Variants in DLG2 observed in about 807,000 individuals in gnomAD.
DLG2 encodes discs large MAGUK scaffold protein 2.
Under a neutral mutation model 132.5 loss-of-function variants are expected in DLG2, and 45 were observed. That is an observed-to-expected ratio of 0.34 (90% CI 0.27 to 0.44). The LOEUF is 0.44. Among genes scored for constraint, DLG2 ranks in the 20% least tolerant of loss-of-function variants. DLG2 has a pLI of 1.00. For missense variants in DLG2, 1,045 were observed against 1,196.9 expected, an observed-to-expected ratio of 0.87 and a Z score of 1.87; for synonymous variants, 424 against 419.6, an observed-to-expected ratio of 1.01 and a Z score of -0.13.
intron 18 of DLG2, among the ~76,000 whole-genome samples, chr11:83,689,687 C>T (rs946860411): frequency 6.6e-6 from 1 of 151,794 alleles, no homozygotes; most frequent in African/African-American, 2.4e-5. Flanking sequence ...AGACACCAGA[C>T]TAAATGTCAG....
At chr11:84,150,023 T>G (rs929698062) in intron 9 of DLG2, among the ~76,000 whole-genome samples, 4 of 152,188 alleles carry the variant, frequency 2.6e-5, no homozygotes, top group African/African-American at 4.8e-5. Context: ...CCCAAACTGC[T>G]GGGGTTACAG....
At chr11:83,906,310 C>CGGCCTCCCAAAGTGCTGGG (rs2074941011) in intron 15 of DLG2, among the ~76,000 whole-genome samples, 1 of 136,600 alleles carries the variant, frequency 7.3e-6, no homozygotes, top group African/African-American at 2.7e-5. Flanking sequence ...CACACACACA[C>CGGCCTCCCAAAGTGCTGGG]ACACACACAC....
intron 15 of DLG2, among the ~76,000 whole-genome samples, chr11:83,885,395 G>GA (rs1369105749): frequency 6.6e-6 from 1 of 152,002 alleles, no homozygotes; most frequent in Non-Finnish European, 1.5e-5. Context: ...GAAGTTTAGA[G>GA]AAAAAAAGAA....
At chr11:85,008,958 C>A (rs1422568140) in intron 6 of DLG2, among the ~76,000 whole-genome samples, 2 of 151,896 alleles carry the variant, frequency 1.3e-5, no homozygotes, top group African/African-American at 4.8e-5. Context: ...GTTTGAATCA[C>A]AAGGATGAGG....
rs1338599484 is a variant in DLG2, at chr11:83,455,406, CAGA to C, written c.*4409_*4411del. The C allele has an allele frequency of 2.6e-5, 4 of 152,424 alleles. No homozygotes were observed. The highest frequency in any genetic ancestry group is 5.9e-5 in the Non-Finnish European group (4 of 68,050). 9.4% of individuals were successfully genotyped at this position (152,424 alleles called of 1,614,324 possible). ...TCTAACGGGTACAGCCTGGTGCACTCAGAAGTTAAGAAACACTTAGGAAACACA... is the reference window on the plus strand; with the variant it reads ...TCTAACGGGTACAGCCTGGTGCACTCAGTTAAGAAACACTTAGGAAACACA... On this transcript the variant is annotated 3_prime_UTR_variant, in exon 28 of 28. Coordinates refer to ENST00000376104, the MANE Select transcript of DLG2 (RefSeq NM_001142699.3).
At chr11:84,521,190 G>T (rs985453839) in intron 7 of DLG2, among the ~76,000 whole-genome samples, 1 of 152,184 alleles carries the variant, frequency 6.6e-6, no homozygotes, top group South Asian at 2.1e-4. Flanking sequence ...TTGGTCTAGC[G>T]TCAACAACCT....
chr11:83,810,277 A>G (rs2153961970), intron 17 of DLG2, among the ~76,000 whole-genome samples: 1 of 152,226 alleles, frequency 6.6e-6, no homozygotes, highest in South Asian at 2.1e-4. Flanking sequence ...GCTAATGTTG[A>G]TATTTATCAA....
intron 3 of DLG2, among the ~76,000 whole-genome samples, chr11:85,338,498 T>C (rs183315345): frequency 6.6e-6 from 1 of 152,244 alleles, no homozygotes; most frequent in Admixed American, 6.5e-5. Context: ...TTGATATTCC[T>C]TTGTGGGTTC....
intron 6 of DLG2, among the ~76,000 whole-genome samples, chr11:84,756,241 G>A (rs17147547): frequency 0.014 from 2,075 of 152,248 alleles, 43 homozygotes; most frequent in African/African-American, 0.04. Flanking sequence ...TTATAGCAGC[G>A]TAGGAGAAAG....
At chr11:85,304,930 C>T (rs1046200212) in intron 3 of DLG2, among the ~76,000 whole-genome samples, 2 of 152,096 alleles carry the variant, frequency 1.3e-5, no homozygotes, top group Non-Finnish European at 2.9e-5. Context: ...CTGTCTTCTC[C>T]CTATTAGAAC....
At chr11:85,286,075 C>T (rs1264261369) in intron 3 of DLG2, 1 of 433,694 alleles carries the variant, frequency 2.3e-6, no homozygotes. Context: ...AAGAAGTCAA[C>T]AGGAAAAAAA....
At chr11:83,847,427 A>T (rs11233758) in intron 16 of DLG2, among the ~76,000 whole-genome samples, 3,444 of 152,354 alleles carry the variant, frequency 0.023, 139 homozygotes, top group African/African-American at 0.072. Context: ...TCAAATGTTC[A>T]AACCCTCTAC....
At chr11:83,813,770 A>C (rs2048030477) in intron 17 of DLG2, among the ~76,000 whole-genome samples, 1 of 152,134 alleles carries the variant, frequency 6.6e-6, no homozygotes, top group Non-Finnish European at 1.5e-5. Context: ...AACAAAAACA[A>C]CAGCAGCAGC....
chr11:84,243,013 C>CTA (rs2097253610), intron 8 of DLG2, among the ~76,000 whole-genome samples: 1 of 144,514 alleles, frequency 6.9e-6, no homozygotes, highest in Non-Finnish European at 1.5e-5. Context: ...CTCTCTCTCT[C>CTA]TCTCTATATA....
chr11:83,982,667 T>C (rs1171754900), intron 11 of DLG2, among the ~76,000 whole-genome samples: 2 of 152,130 alleles, frequency 1.3e-5, no homozygotes, highest in South Asian at 2.1e-4. Context: ...AAACTTAATC[T>C]AGCCTAAGTG....
intron 18 of DLG2, among the ~76,000 whole-genome samples, chr11:83,697,443 C>T (rs2082129856): frequency 6.6e-6 from 1 of 152,176 alleles, no homozygotes; most frequent in Admixed American, 6.5e-5. Flanking sequence ...GGTCTCTACT[C>T]CCAAAGTCTT....
chr11:83,795,330 CATGGGAGGCAG>C lies in DLG2; in HGVS notation c.1723-8549_1723-8539del, dbSNP rs1336167365. ...GGCTGAGGCAGGAGAATGGCGTGAA[CATGGGAGGCAG>C]AGCTTGCAGTGAGCTGAGATCGTGC... On this transcript the variant is annotated intron_variant, in intron 17 of 27. Coordinates refer to ENST00000376104, the MANE Select transcript of DLG2 (RefSeq NM_001142699.3). Among the ~76,000 whole-genome samples the C allele has an allele frequency of 2.0e-5, 3 of 152,118 alleles. No homozygotes were observed. The East Asian group carries it at 5.8e-4, about 29-fold the overall frequency.
chr11:84,232,782 C>G (rs1284857095), intron 8 of DLG2, among the ~76,000 whole-genome samples: 1 of 152,164 alleles, frequency 6.6e-6, no homozygotes, highest in Non-Finnish European at 1.5e-5. Flanking sequence ...GCCACCCAGT[C>G]TTCAGTATTC....
chr11:85,280,159 A>G (rs1319512869), intron 4 of DLG2, among the ~76,000 whole-genome samples: 1 of 151,960 alleles, frequency 6.6e-6, no homozygotes, highest in East Asian at 1.9e-4. Context: ...TATAGTTTTT[A>G]TCTCCATTTA....
Sources: gnomAD v4.1 joint callset for allele counts (sites outside exome capture counted in the v4.1 genomes callset) on GRCh38, gnomAD v4.1.1 for gene constraint, MANE v1.5 for transcripts, NCBI Gene and HGNC (gene_info 2026-07-23, HGNC 2026-07-21) for gene names.